Variants in FLCN observed in about 807,000 individuals in gnomAD.
The protein encoded by FLCN is folliculin, also known as BHD skin lesion fibrofolliculoma protein.
In FLCN, 22 loss-of-function variants were observed where a neutral mutation model predicts 62.5. The observed-to-expected ratio is 0.35, with a 90% CI of 0.25 to 0.50. FLCN has a LOEUF of 0.50. FLCN is among the 20% of genes least tolerant of loss of function. The pLI is 0.97. For missense variants in FLCN, 657 were observed against 778.0 expected, an observed-to-expected ratio of 0.84 and a Z score of 1.85; for synonymous variants, 319 against 310.0, an observed-to-expected ratio of 1.03 and a Z score of -0.30.
chr17:17,213,415 G>A lies in FLCN; in HGVS notation c.*240C>T. 1.7e-6 allele frequency: 1 copy of A among 605,106 alleles called. No homozygotes were observed. Among genetic ancestry groups the A allele is most frequent in the South Asian group, 1.9e-5 (1 of 52,328 alleles). The allele number at this position is 605,106 out of a possible 1,614,324, so 37.5% of individuals were successfully genotyped here. A position where few individuals can be genotyped will look rare whatever the true frequency, so the allele number is the denominator to read the frequency against. On this transcript the variant is annotated 3_prime_UTR_variant, in exon 14 of 14. Transcript: ENST00000285071. ...TCTCCAAGGAGTTTGAACACAGAGA[G>A]AGCCCATCATCCCTCCGCCTTTCAT...
Position 17,226,171 on chromosome 17 carries a change from C to G in FLCN, c.396+5G>C, listed in dbSNP as rs1339434029. On this transcript the variant is annotated splice_donor_5th_base_variant and intron_variant, in intron 5 of 13. Coordinates refer to ENST00000285071, the MANE Select transcript of FLCN (RefSeq NM_144997.7). ...AGAGACAGGCTCTGTGGCCACAAGGCTCACCTCACAGCTCAGGCTCCGGAC... is the reference window on the plus strand; with the variant it reads ...AGAGACAGGCTCTGTGGCCACAAGGGTCACCTCACAGCTCAGGCTCCGGAC... 6.2e-7 allele frequency: 1 copy of G among 1,613,940 alleles called. No homozygotes were observed. The highest frequency in any genetic ancestry group is 1.1e-5 in the South Asian group (1 of 91,070).
In FLCN at chr17:17,228,058, G is replaced by A. The variant is rs757670898; in HGVS notation, c.80C>T (p.Ala27Val). 1.9e-6 allele frequency: 3 copies of A among 1,613,806 alleles called. No homozygotes were observed. The highest frequency in any genetic ancestry group is 2.5e-6 in the Non-Finnish European group (3 of 1,180,044). ...RTLFCTEVLH[A>V]PLPQGDGNED... The stretch of plus-strand genomic sequence containing the variant: ...ATTCCCATCCCCTTGAGGAAGTGGG[G>A]CGTGCAGCACCTCCGTGCAGAAGAG... The change falls in exon 4 of 14, where the codon GCC becomes GTC. Residue 27 changes from alanine (A) to valine (V), a missense_variant. By Grantham distance (64) the Ala-to-Val change is moderately conservative (BLOSUM62 0). Coordinates refer to ENST00000285071, the MANE Select transcript of FLCN (RefSeq NM_144997.7).
intron 1 of FLCN, among the ~76,000 whole-genome samples, chr17:17,233,716 CTTTTT>C (rs34208211): frequency 3.9e-4 from 25 of 63,930 alleles, no homozygotes; most frequent in Middle Eastern, 0.015. Flanking sequence ...CCCATCTTTC[CTTTTT>C]TTTTTTTTTT....
chr17:17,221,110 G>C, intron 8 of FLCN: 1 of 1,331,600 alleles, frequency 7.5e-7, no homozygotes. Context: ...GGAACCTGGG[G>C]AAGCCCAGGC....
intron 6 of FLCN, chr17:17,222,948 T>C: frequency 2.2e-6 from 1 of 462,314 alleles, no homozygotes; most frequent in African/African-American, 2.0e-5. Context: ...AGTGGCCATC[T>C]GCGCTGCTCC....
In FLCN at chr17:17,219,101, G is replaced by C. The variant is rs2144895595; in HGVS notation, c.980C>G (p.Ala327Gly). Reference protein sequence around the residue: ...TEGRELTQGPAESSSLSGCGS... With the variant: ...TEGRELTQGPGESSSLSGCGS... ...ACAGCCTGAGAGAGAGGAGGACTCT[G>C]CCGGGCCCTGGGTCAGCTCCCGCCC... The change falls in exon 9 of 14, where the codon GCA becomes GGA. Residue 327 changes from alanine to glycine, a missense_variant. Coordinates refer to ENST00000285071, the MANE Select transcript of FLCN (RefSeq NM_144997.7). 1 of 1,614,164 alleles carries C rather than the reference G, an allele frequency of 6.2e-7. No homozygotes were observed. Among genetic ancestry groups the C allele is most frequent in the Non-Finnish European group, 8.5e-7 (1 of 1,180,024 alleles).
chr17:17,222,176 A>C (rs1034592016), intron 7 of FLCN, among the ~76,000 whole-genome samples: 1 of 152,168 alleles, frequency 6.6e-6, no homozygotes, highest in Admixed American at 6.5e-5. Context: ...GTCTCTACCA[A>C]AAATAAAAAA....
In FLCN at chr17:17,234,206, T is replaced by TTG. The variant is rs1188576586; in HGVS notation, c.-227-1306_-227-1305insCA. ...CCAACATGGGCTACACTGTTTTGTT[T>TTG]TTTTTTGGTTTGTTTTTTTTTTTGC... On this transcript the variant is annotated intron_variant, in intron 1 of 13. Coordinates refer to ENST00000285071, the MANE Select transcript of FLCN (RefSeq NM_144997.7). 2.7e-3 allele frequency among the ~76,000 whole-genome samples: 392 copies of TTG among 146,048 alleles called. 9 individuals are homozygous for TTG. The highest frequency in any genetic ancestry group is 2.8e-3 in the East Asian group (14 of 5,012).
At position 17,223,991 on chromosome 17, in the gene FLCN, G is replaced by A. The variant is rs1278501001; in HGVS notation, c.549C>T (p.Ile183=). The change falls in exon 6 of 14, where the codon ATC becomes ATT. Residue 183 remains isoleucine (I), a synonymous_variant. Coordinates refer to ENST00000285071, the MANE Select transcript of FLCN (RefSeq NM_144997.7). ...ITIMMDRIYL[I]NSWPFLLGKV... ...TCCCCAGCAGGAAGGGCCAGGAGTT[G>A]ATGAGGTAGATCCGGTCCATCATGA... The A allele has an allele frequency of 6.2e-7, 1 of 1,613,600 alleles. No homozygotes were observed. The highest frequency in any genetic ancestry group is 1.3e-5 in the African/African-American group (1 of 74,944).
At chr17:17,225,778 G>A (rs528892425) in intron 5 of FLCN, 53 of 327,708 alleles carry the variant, frequency 1.6e-4, no homozygotes, top group Non-Finnish European at 2.9e-4. Flanking sequence ...CCACCTGGGA[G>A]GCTAAGGCGG....
chr17:17,217,219 T>A (rs2046953716), intron 9 of FLCN, 37 bp from the exon 10 acceptor site: 2 of 1,395,974 alleles, frequency 1.4e-6, no homozygotes, highest in Non-Finnish European at 1.0e-6. Context: ...GCGTGACTAG[T>A]AGAAATGGTT....
intron 1 of FLCN, among the ~76,000 whole-genome samples, chr17:17,234,356 C>T (rs1265676074): frequency 2.0e-5 from 3 of 151,424 alleles, no homozygotes; most frequent in Admixed American, 1.3e-4. Context: ...GAATTATGGC[C>T]GTGCGCCACC....
At chr17:17,224,505 C>T in intron 5 of FLCN, 1 of 411,410 alleles carries the variant, frequency 2.4e-6, no homozygotes, top group Non-Finnish European at 4.5e-6. Context: ...ACTGCACTCT[C>T]CCTGCACTGA....
intron 8 of FLCN, 119 bp from the exon 9 acceptor site, chr17:17,219,328 A>ATGCTCCC (rs2047019962): frequency 1.5e-6 from 1 of 665,110 alleles, no homozygotes; most frequent in Non-Finnish European, 2.5e-6. Flanking sequence ...GCCAGGTCCT[A>ATGCTCCC]TGCTCCCTGC....
At chr17:17,234,915 T>C (rs1280626810) in intron 1 of FLCN, among the ~76,000 whole-genome samples, 4 of 151,780 alleles carry the variant, frequency 2.6e-5, no homozygotes, top group African/African-American at 4.8e-5. Context: ...ATTGAGACCA[T>C]CCTGGCTAAC....
At chr17:17,221,020 G>T in intron 8 of FLCN, 1 of 539,786 alleles carries the variant, frequency 1.9e-6, no homozygotes. Flanking sequence ...TGGAAAGCTT[G>T]GCCAAGACTG....
intron 6 of FLCN, chr17:17,223,263 T>G (rs2047148827): frequency 5.5e-6 from 1 of 182,608 alleles, no homozygotes; most frequent in Non-Finnish European, 1.2e-5. Flanking sequence ...CCAGCTAATT[T>G]TGTATTTCTG....
intron 3 of FLCN, chr17:17,228,523 C>A: frequency 3.5e-6 from 1 of 286,444 alleles, no homozygotes; most frequent in South Asian, 4.0e-5. Flanking sequence ...AGATAAAAGG[C>A]CACAGGGAGA....
chr17:17,230,969 G>C (rs933381009), intron 3 of FLCN, among the ~76,000 whole-genome samples: 1 of 152,064 alleles, frequency 6.6e-6, no homozygotes, highest in South Asian at 2.1e-4. Flanking sequence ...GGCCGAGGTG[G>C]GCAGATCACT....
Sources: gnomAD v4.1 joint callset for allele counts (sites outside exome capture counted in the v4.1 genomes callset) on GRCh38, gnomAD v4.1.1 for gene constraint, MANE v1.5 for transcripts, NCBI Gene and HGNC (gene_info 2026-07-23, HGNC 2026-07-21) for gene names.